Variants in PDGFD observed in about 807,000 individuals in gnomAD.
PDGFD encodes platelet-derived growth factor D.
Under a neutral mutation model 44.7 loss-of-function variants are expected in PDGFD, and 30 were observed. The ratio of observed to expected loss-of-function variants is 0.67; its 90% CI spans 0.50 to 0.91. The LOEUF is 0.91. Ranked by LOEUF, PDGFD falls within the 40% of genes least tolerant of loss-of-function variation. The pLI, the probability that PDGFD is intolerant of heterozygous loss-of-function variation, is 0.00. For synonymous variants in PDGFD, 173 were observed against 168.4 expected, an observed-to-expected ratio of 1.03 and a Z score of -0.21; for missense variants, 445 against 457.8, an observed-to-expected ratio of 0.97 and a Z score of 0.25.
intron 1 of PDGFD, among the ~76,000 whole-genome samples, chr11:104,157,861 A>G (rs1309992856): frequency 6.6e-6 from 1 of 152,236 alleles, no homozygotes. Flanking sequence ...AGCTTGATTC[A>G]GTCATTGGAT....
chr11:104,112,977 T>A (rs886207214), intron 1 of PDGFD, among the ~76,000 whole-genome samples: 1 of 152,084 alleles, frequency 6.6e-6, no homozygotes, highest in African/African-American at 2.4e-5. Context: ...CAAACCTCCA[T>A]GATACATGTT....
intron 1 of PDGFD, among the ~76,000 whole-genome samples, chr11:104,003,112 G>C (rs944291310): frequency 1.3e-5 from 2 of 152,214 alleles, no homozygotes; most frequent in African/African-American, 4.8e-5. Context: ...GGAAAAAAAA[G>C]TTGATGCATA....
intron 1 of PDGFD, among the ~76,000 whole-genome samples, chr11:104,085,539 A>T (rs1194372451): frequency 6.6e-6 from 1 of 152,132 alleles, no homozygotes; most frequent in African/African-American, 2.4e-5. Flanking sequence ...TATTATATAG[A>T]CATTTTCCAC....
chr11:104,147,848 G>A (rs1391543756), intron 1 of PDGFD, among the ~76,000 whole-genome samples: 2 of 152,150 alleles, frequency 1.3e-5, no homozygotes, highest in Non-Finnish European at 2.9e-5. Context: ...CCAAACATAT[G>A]GCGGGGTTCT....
intron 1 of PDGFD, among the ~76,000 whole-genome samples, chr11:104,144,859 T>A (rs1432660715): frequency 6.6e-6 from 1 of 152,146 alleles, no homozygotes; most frequent in African/African-American, 2.4e-5. Context: ...CTAACCTACC[T>A]CTAAGAAGCC....
At chr11:104,037,782 A>C in intron 1 of PDGFD, 1 of 1,614,092 alleles carries the variant, frequency 6.2e-7, no homozygotes, top group East Asian at 2.2e-5. Context: ...CTTTCTCCAT[A>C]CTTGAGGATC....
intron 1 of PDGFD, among the ~76,000 whole-genome samples, chr11:104,136,671 G>C (rs1164346537): frequency 6.6e-6 from 1 of 152,114 alleles, no homozygotes; most frequent in African/African-American, 2.4e-5. Flanking sequence ...GATTTAGCTT[G>C]GATGTAACTT....
chr11:103,985,149 T>C (rs1859342702), intron 3 of PDGFD, among the ~76,000 whole-genome samples: 2 of 140,600 alleles, frequency 1.4e-5, no homozygotes, highest in African/African-American at 5.3e-5. Context: ...TATAATATAT[T>C]AATTTATTTA....
chr11:103,955,425 T>C (rs906149926), intron 3 of PDGFD, among the ~76,000 whole-genome samples: 1 of 152,148 alleles, frequency 6.6e-6, no homozygotes, highest in African/African-American at 2.4e-5. Context: ...CAACAATGTT[T>C]GTGGAAATGA....
At chr11:103,951,324 C>T (rs1290322254) in intron 3 of PDGFD, among the ~76,000 whole-genome samples, 1 of 152,132 alleles carries the variant, frequency 6.6e-6, no homozygotes, top group African/African-American at 2.4e-5. Flanking sequence ...CTGCTAAATC[C>T]ACAATATGAT....
At chr11:103,941,301 T>C (rs146231331) in intron 5 of PDGFD, among the ~76,000 whole-genome samples, 33 of 152,096 alleles carry the variant, frequency 2.2e-4, no homozygotes, top group African/African-American at 7.2e-4. Flanking sequence ...GGATCCCAGA[T>C]CCTCTTAGAG....
chr11:104,040,781 A>C (rs1476048646), intron 1 of PDGFD, among the ~76,000 whole-genome samples: 1 of 152,006 alleles, frequency 6.6e-6, no homozygotes, highest in Non-Finnish European at 1.5e-5. Context: ...TACACACACA[A>C]ACACAGATAT....
chr11:104,087,103 G>C (rs1461728908), intron 1 of PDGFD, among the ~76,000 whole-genome samples: 3 of 134,952 alleles, frequency 2.2e-5, no homozygotes, highest in Non-Finnish European at 4.6e-5. Flanking sequence ...TCAGCTCCCT[G>C]CAACCTCTGC....
intron 1 of PDGFD, among the ~76,000 whole-genome samples, chr11:104,130,555 CAGA>C (rs1477759807): frequency 6.6e-6 from 1 of 152,162 alleles, no homozygotes; most frequent in Non-Finnish European, 1.5e-5. Context: ...TAAGACACAA[CAGA>C]AGATGAAATG....
At chr11:104,158,348 T>C (rs1046184599) in intron 1 of PDGFD, among the ~76,000 whole-genome samples, 9 of 152,240 alleles carry the variant, frequency 5.9e-5, no homozygotes, top group African/African-American at 1.9e-4. Flanking sequence ...AAGGCACTTC[T>C]GGAGAATCCT....
chr11:104,163,850 C>T lies in PDGFD; in HGVS notation c.78G>A (p.Gln26=), dbSNP rs969063110. ...TGCGCAAAGCTTTGATGGATGCGCTCTGCGGGGTTGCAGAAGTGTCCCGAC... is the reference window on the plus strand; with the variant it reads ...TGCGCAAAGCTTTGATGGATGCGCTTTGCGGGGTTGCAGAAGTGTCCCGAC... ...CSCRDTSATP[Q]SASIKALRNA... is the part of the protein sequence containing the mutation. The change falls in exon 1 of 7, where the codon CAG becomes CAA. Residue 26 remains glutamine (Q), a synonymous_variant. Coordinates refer to ENST00000393158, the MANE Select transcript of PDGFD (RefSeq NM_025208.5). 1.3e-6 allele frequency: 2 copies of T among 1,577,214 alleles called. No homozygotes were observed. The highest frequency in any genetic ancestry group is 1.3e-5 in the African/African-American group (1 of 74,588).
intron 3 of PDGFD, among the ~76,000 whole-genome samples, chr11:103,971,492 A>C (rs1332473566): frequency 6.6e-6 from 1 of 152,132 alleles, no homozygotes; most frequent in Non-Finnish European, 1.5e-5. Context: ...ATTAATACTA[A>C]ATTTTCTCTT....
intron 1 of PDGFD, among the ~76,000 whole-genome samples, chr11:104,022,800 T>C (rs1372336930): frequency 1.3e-5 from 2 of 152,048 alleles, no homozygotes; most frequent in South Asian, 2.1e-4. Context: ...TGTGTGTACA[T>C]AGATATATAT....
At chr11:104,014,147 T>C (rs185263267) in intron 1 of PDGFD, among the ~76,000 whole-genome samples, 236 of 152,316 alleles carry the variant, frequency 1.5e-3, no homozygotes, top group South Asian at 3.7e-3. Context: ...TCCCTTTATA[T>C]AGCTACTGAA....
Sources: gnomAD v4.1 joint callset for allele counts (sites outside exome capture counted in the v4.1 genomes callset) on GRCh38, gnomAD v4.1.1 for gene constraint, MANE v1.5 for transcripts, NCBI Gene and HGNC (gene_info 2026-07-23, HGNC 2026-07-21) for gene names.